Variants in MTMR2 observed in about 807,000 individuals in gnomAD.
The protein encoded by MTMR2 is myotubularin related protein 2, also known as phosphatidylinositol-3,5-bisphosphate 3-phosphatase MTMR2.
A neutral mutation model predicts 86.9 loss-of-function variants in MTMR2; 55 were observed. The ratio of observed to expected loss-of-function variants is 0.63; its 90% CI spans 0.51 to 0.79. MTMR2 has a LOEUF of 0.79. Ranked by LOEUF, MTMR2 falls within the 30% of genes least tolerant of loss-of-function variation. MTMR2 has a pLI of 0.00. For synonymous variants in MTMR2, 241 were observed against 266.8 expected (o/e 0.90, Z 0.94); for missense variants, 659 against 772.3 (o/e 0.85, Z 1.74).
chr11:95,839,799 A>G (rs1863460869), intron 12 of MTMR2, among the ~76,000 whole-genome samples: 1 of 152,158 alleles, frequency 6.6e-6, no homozygotes, highest in Non-Finnish European at 1.5e-5. Context: ...GCTAACAAAC[A>G]TTATGACTAG....
At chr11:95,907,830 C>A in intron 1 of MTMR2, 1 of 420,666 alleles carries the variant, frequency 2.4e-6, no homozygotes. Flanking sequence ...ATGTTAAAAA[C>A]CTTCCACAAA....
chr11:95,862,733 C>T (rs879847950), intron 3 of MTMR2, among the ~76,000 whole-genome samples: 10 of 152,188 alleles, frequency 6.6e-5, no homozygotes, highest in Non-Finnish European at 1.2e-4. Context: ...AAGGCACAGT[C>T]GCCATCATCT....
intron 7 of MTMR2, among the ~76,000 whole-genome samples, chr11:95,853,785 G>A (rs1221906365): frequency 6.6e-6 from 1 of 152,152 alleles, no homozygotes; most frequent in Non-Finnish European, 1.5e-5. Context: ...ATATGAATTT[G>A]ATAAATGCAT....
chr11:95,889,139 T>C (rs1865620105), intron 1 of MTMR2, among the ~76,000 whole-genome samples: 1 of 151,724 alleles, frequency 6.6e-6, no homozygotes, highest in Non-Finnish European at 1.5e-5. Context: ...AGAACTTTTT[T>C]TTTTTTTTTC....
intron 3 of MTMR2, 200 bp downstream of exon 3, chr11:95,865,401 G>A: frequency 1.7e-6 from 1 of 585,818 alleles, no homozygotes; most frequent in South Asian, 2.3e-5. Context: ...TGTTTCCCAG[G>A]AGTTCAAACA....
rs1226733379 is a variant in MTMR2 at position 95,834,613 on chromosome 11, C to T, written c.*677G>A. On this transcript the variant is annotated 3_prime_UTR_variant, in exon 15 of 15. Transcript: ENST00000346299. Reference sequence around the variant, plus strand: ...CTTTGAACTCCTGTATGGCTACTTTCTCCCCTTCATTTTCCCCCAAGCACA... The same window carrying T: ...CTTTGAACTCCTGTATGGCTACTTTTTCCCCTTCATTTTCCCCCAAGCACA... The T allele has an allele frequency of 6.6e-6, 1 of 152,328 alleles. No homozygotes were observed. The highest frequency in any genetic ancestry group is 1.5e-5 in the Non-Finnish European group (1 of 68,216). The allele number at this position is 152,328 out of a possible 1,614,324, so 9.4% of individuals were successfully genotyped here.
At chr11:95,877,778 C>G (rs1865179158) in intron 2 of MTMR2, among the ~76,000 whole-genome samples, 1 of 151,964 alleles carries the variant, frequency 6.6e-6, no homozygotes, top group Non-Finnish European at 1.5e-5. Flanking sequence ...ATGGCTAACC[C>G]TCATGAGCAG....
intron 2 of MTMR2, among the ~76,000 whole-genome samples, chr11:95,870,696 C>G (rs1032551821): frequency 6.7e-6 from 1 of 149,336 alleles, no homozygotes; most frequent in African/African-American, 2.5e-5. Context: ...ACACCAGGAA[C>G]CTATCTTCTT....
At chr11:95,870,159 T>C (rs1271394028) in intron 2 of MTMR2, among the ~76,000 whole-genome samples, 1 of 152,142 alleles carries the variant, frequency 6.6e-6, no homozygotes, top group Non-Finnish European at 1.5e-5. Flanking sequence ...GCCAGATAAA[T>C]AGATGGATAG....
At chr11:95,885,806 TAC>T (rs1865493929) in intron 2 of MTMR2, among the ~76,000 whole-genome samples, 1 of 151,950 alleles carries the variant, frequency 6.6e-6, no homozygotes, top group Non-Finnish European at 1.5e-5. Context: ...AGGGAATAAT[TAC>T]AGTGAAAAAA....
chr11:95,886,669 A>G lies in MTMR2; in HGVS notation c.186+1487T>C, dbSNP rs140151873. On this transcript the variant is annotated intron_variant, in intron 2 of 14. Coordinates refer to ENST00000346299, the MANE Select transcript of MTMR2 (RefSeq NM_016156.6). Reference sequence around the variant, plus strand: ...TAGGATATAGGCATAAGCAAGTAGCATAAGTGACATCCCTTCATTCCTGAG... The same window carrying G: ...TAGGATATAGGCATAAGCAAGTAGCGTAAGTGACATCCCTTCATTCCTGAG... 2.0e-5 allele frequency among the ~76,000 whole-genome samples: 3 copies of G among 152,326 alleles called. No homozygotes were observed. In the East Asian group the frequency reaches 5.8e-4, roughly 29 times the overall value.
At chr11:95,895,926 C>A (rs1865866132) in intron 1 of MTMR2, among the ~76,000 whole-genome samples, 1 of 152,006 alleles carries the variant, frequency 6.6e-6, no homozygotes, top group African/African-American at 2.4e-5. Flanking sequence ...CCATGTCATT[C>A]CCCTTCTTAA....
At chr11:95,853,068 A>G (rs946660747) in intron 7 of MTMR2, among the ~76,000 whole-genome samples, 1 of 148,938 alleles carries the variant, frequency 6.7e-6, no homozygotes, top group Non-Finnish European at 1.5e-5. Flanking sequence ...TACACAGTTC[A>G]CTGTACTTTT....
intron 12 of MTMR2, 149 bp from the exon 13 acceptor site, chr11:95,838,356 T>C: frequency 1.6e-6 from 1 of 640,262 alleles, no homozygotes; most frequent in South Asian, 1.6e-5. Flanking sequence ...ATTATTCGTA[T>C]GGTTTTCTTT....
intron 1 of MTMR2, among the ~76,000 whole-genome samples, chr11:95,908,479 G>GA (rs1344713601): frequency 6.6e-6 from 1 of 151,930 alleles, no homozygotes; most frequent in African/African-American, 2.4e-5. Context: ...CACAAAATTA[G>GA]AAAAAAACTA....
intron 1 of MTMR2, among the ~76,000 whole-genome samples, chr11:95,915,477 T>C (rs1432597398): frequency 2.0e-5 from 3 of 152,176 alleles, no homozygotes; most frequent in African/African-American, 7.2e-5. Context: ...AAACTCCTTA[T>C]GTTTGAAATT....
chr11:95,901,492 G>A (rs79574965), intron 1 of MTMR2, among the ~76,000 whole-genome samples: 364 of 152,248 alleles, frequency 2.4e-3, no homozygotes, highest in African/African-American at 8.4e-3. Context: ...TCATTCTAGT[G>A]AAACCCCATC....
intron 1 of MTMR2, among the ~76,000 whole-genome samples, chr11:95,923,308 G>C (rs748815856): frequency 6.6e-6 from 1 of 152,174 alleles, no homozygotes; most frequent in Admixed American, 6.5e-5. Context: ...ATTTAGAAAA[G>C]AGAAGCACAG....
At chr11:95,835,807 C>T (rs915567531) in intron 14 of MTMR2, among the ~76,000 whole-genome samples, 3 of 152,024 alleles carry the variant, frequency 2.0e-5, no homozygotes, top group Non-Finnish European at 4.4e-5. Flanking sequence ...ATTCCATAAA[C>T]ATATTCACAG....
Sources: allele counts gnomAD v4.1 joint callset (sites outside exome capture counted in the v4.1 genomes callset), GRCh38; gene constraint gnomAD v4.1.1; transcripts MANE v1.5; gene names NCBI Gene and HGNC (gene_info 2026-07-23, HGNC 2026-07-21).